The following SORBS2 variants were observed in gnomAD, a reference collection of about 807,000 sequenced individuals.
SORBS2 encodes the protein sorbin and SH3 domain-containing protein 2.
SORBS2 carries 46 observed loss-of-function variants against 97.7 expected under a neutral mutation model. That is an observed-to-expected ratio of 0.47 (90% CI 0.37 to 0.60). The LOEUF (loss-of-function observed/expected upper bound fraction) is 0.60. Among genes scored for constraint, SORBS2 ranks in the 20% least tolerant of loss-of-function variants. SORBS2 has a pLI of 0.00. For synonymous variants in SORBS2, 476 were observed against 473.4 expected (o/e 1.01, Z -0.07); for missense variants, 1,316 against 1,282.3 (o/e 1.03, Z -0.40).
chr4:185,591,943 A>G (rs942470369), intron 13 of SORBS2: 1 of 152,258 alleles, frequency 6.6e-6, no homozygotes, highest in Non-Finnish European at 1.5e-5. Flanking sequence ...AAACCCACGG[A>G]GTTTTATGGA....
At chr4:185,954,504 A>T (rs1037051716) in intron 1 of SORBS2, among the ~76,000 whole-genome samples, 1 of 152,222 alleles carries the variant, frequency 6.6e-6, no homozygotes, top group Non-Finnish European at 1.5e-5. Context: ...TGAGAAACAA[A>T]ATCACAAAGT....
intron 4 of SORBS2, among the ~76,000 whole-genome samples, chr4:185,666,628 GTTTGTCTTATT>G (rs2097606031): frequency 6.6e-6 from 1 of 152,212 alleles, no homozygotes; most frequent in African/African-American, 2.4e-5. Context: ...ACATAAATCT[GTTTGTCTTATT>G]TTTTCCTGGT....
At chr4:185,600,127 G>A (rs2096225938) in intron 12 of SORBS2, among the ~76,000 whole-genome samples, 1 of 152,190 alleles carries the variant, frequency 6.6e-6, no homozygotes, top group Non-Finnish European at 1.5e-5. Flanking sequence ...TTTCCTGGCT[G>A]GCTTTTTCCA....
intron 1 of SORBS2, among the ~76,000 whole-genome samples, chr4:185,803,199 C>A (rs921139716): frequency 5.3e-5 from 8 of 152,106 alleles, no homozygotes; most frequent in African/African-American, 1.9e-4. Context: ...GAATGCAATA[C>A]CATGACTGAG....
At chr4:185,790,076 T>C (rs2099073597) in intron 1 of SORBS2, among the ~76,000 whole-genome samples, 1 of 152,210 alleles carries the variant, frequency 6.6e-6, no homozygotes. Flanking sequence ...AACATGTCTC[T>C]AATTTCACAG....
intron 1 of SORBS2, among the ~76,000 whole-genome samples, chr4:185,867,581 C>G (rs910730952): frequency 1.7e-4 from 26 of 152,282 alleles, no homozygotes; most frequent in African/African-American, 6.3e-4. Context: ...GATCACATTT[C>G]TTGTTTAAGT....
intron 1 of SORBS2, among the ~76,000 whole-genome samples, chr4:185,846,188 A>G (rs1334846113): frequency 1.3e-5 from 2 of 152,240 alleles, no homozygotes; most frequent in African/African-American, 4.8e-5. Flanking sequence ...AAACGATGGT[A>G]CATCCATACA....
At chr4:185,761,603 A>C (rs2098892661) in intron 2 of SORBS2, 1 of 152,238 alleles carries the variant, frequency 6.6e-6, no homozygotes, top group Non-Finnish European at 1.5e-5. Flanking sequence ...TTAATTGAAG[A>C]AGAATGATCT....
intron 1 of SORBS2, chr4:185,656,518 C>T (rs1000576108): frequency 4.0e-6 from 3 of 758,752 alleles, no homozygotes; most frequent in Non-Finnish European, 6.3e-6. Context: ...GGTCTGCATT[C>T]CAGGGGAGCA....
At chr4:185,622,873 G>GT (rs763166540) in intron 7 of SORBS2, 41 bp downstream of exon 19, 1 of 1,529,298 alleles carries the variant, frequency 6.5e-7, no homozygotes, top group East Asian at 2.3e-5. Flanking sequence ...TGGAGGGTGG[G>GT]TCTCTGAACC....
At chr4:185,762,992 C>T (rs1258027014) in intron 2 of SORBS2, among the ~76,000 whole-genome samples, 1 of 152,110 alleles carries the variant, frequency 6.6e-6, no homozygotes, top group Non-Finnish European at 1.5e-5. Flanking sequence ...AGTTCGAGAC[C>T]AGCCTGGCCA....
chr4:185,589,923 T>C (rs1390708489), intron 13 of SORBS2, 138 bp from the exon 26 acceptor site: 4 of 615,062 alleles, frequency 6.5e-6, no homozygotes, highest in East Asian at 5.6e-5. Context: ...CTGGTAAGCA[T>C]GTAAATAGCA....
At chr4:185,792,983 G>A (rs1180076706) in intron 1 of SORBS2, among the ~76,000 whole-genome samples, 2 of 152,318 alleles carry the variant, frequency 1.3e-5, no homozygotes, top group East Asian at 3.9e-4. Flanking sequence ...ACTCATCAGA[G>A]CGTTTGTGTG....
intron 1 of SORBS2, among the ~76,000 whole-genome samples, chr4:185,863,661 G>A (rs1017770582): frequency 6.6e-6 from 1 of 152,074 alleles, no homozygotes; most frequent in African/African-American, 2.4e-5. Context: ...AGTTTTAATG[G>A]TATTTTTATG....
At chr4:185,723,389 G>C (rs2098531449) in intron 2 of SORBS2, among the ~76,000 whole-genome samples, 1 of 152,182 alleles carries the variant, frequency 6.6e-6, no homozygotes, top group Admixed American at 6.5e-5. Context: ...ATATAGAACA[G>C]GGTATGTTTT....
intron 12 of SORBS2, among the ~76,000 whole-genome samples, chr4:185,608,343 A>G (rs1317486696): frequency 6.6e-6 from 1 of 152,222 alleles, no homozygotes; most frequent in African/African-American, 2.4e-5. Flanking sequence ...TTACATAACT[A>G]CGGCTTCAAA....
chr4:185,644,136 T>C (rs2097172518), intron 4 of SORBS2, among the ~76,000 whole-genome samples: 1 of 152,192 alleles, frequency 6.6e-6, no homozygotes, highest in African/African-American at 2.4e-5. Context: ...CCATTCTGCT[T>C]AAGGCTGGTC....
chr4:185,937,423 C>A (rs1031368755), intron 1 of SORBS2, among the ~76,000 whole-genome samples: 2 of 152,150 alleles, frequency 1.3e-5, no homozygotes, highest in African/African-American at 4.8e-5. Flanking sequence ...GTATCTGAAT[C>A]CAAGATTTTT....
At chr4:185,595,313 G>C (rs2096059768) in intron 12 of SORBS2, among the ~76,000 whole-genome samples, 1 of 152,136 alleles carries the variant, frequency 6.6e-6, no homozygotes, top group Admixed American at 6.5e-5. Flanking sequence ...TGACTTAAGA[G>C]TGAAATAGTT....
Sources: allele counts gnomAD v4.1 joint callset (sites outside exome capture counted in the v4.1 genomes callset), GRCh38; gene constraint gnomAD v4.1.1; transcripts MANE v1.5; gene names NCBI Gene and HGNC (gene_info 2026-07-23, HGNC 2026-07-21).